The following ATP8A2 variants were observed in gnomAD, a reference collection of about 807,000 sequenced individuals.
ATP8A2 encodes phospholipid-transporting ATPase IB.
In ATP8A2, 100 loss-of-function variants were observed where a neutral mutation model predicts 165.6. The ratio of observed to expected loss-of-function variants is 0.60; its 90% CI spans 0.51 to 0.71. The LOEUF (loss-of-function observed/expected upper bound fraction) is 0.71, where lower values mean the gene tolerates loss of function less well. Ranked by LOEUF, ATP8A2 falls within the 30% of genes least tolerant of loss-of-function variation. The probability of loss-of-function intolerance (pLI) is 0.00; values close to 1 mark genes in which losing one functional copy is unlikely to be tolerated. For synonymous variants in ATP8A2, 543 were observed against 548.8 expected, an observed-to-expected ratio of 0.99 and a Z score of 0.15; for missense variants, 1,227 against 1,479.5, an observed-to-expected ratio of 0.83 and a Z score of 2.80.
At chr13:25,719,199 A>AAGC (rs1322363125) in intron 25 of ATP8A2, among the ~76,000 whole-genome samples, 1 of 152,238 alleles carries the variant, frequency 6.6e-6, no homozygotes, top group East Asian at 1.9e-4. Context: ...TTTGAAAATA[A>AAGC]AGCAGTTCCA....
intron 24 of ATP8A2, among the ~76,000 whole-genome samples, chr13:25,614,539 A>G (rs912821750): frequency 1.3e-5 from 2 of 152,008 alleles, no homozygotes; most frequent in Non-Finnish European, 2.9e-5. Flanking sequence ...ATCCATTGCT[A>G]TGAGCTAGTG....
rs115665837 is a variant in ATP8A2, at chr13:25,582,739, C to T, written c.2146+782C>T. ...GTATTTAAGTGACTATAGTCCTCTT[C>T]AGAGTAGTCTTCTTGGAATATTCTC... On this transcript the variant is annotated intron_variant, in intron 23 of 36. Coordinates refer to ENST00000381655, the MANE Select transcript of ATP8A2 (RefSeq NM_016529.6). 1.4e-3 allele frequency among the ~76,000 whole-genome samples: 209 copies of T among 152,316 alleles called. 1 individual carries two copies. The highest frequency in any genetic ancestry group is 4.9e-3 in the African/African-American group (204 of 41,570).
Position 25,699,167 on chromosome 13 carries a change from T to C in ATP8A2, c.2212-6T>C. The C allele has an allele frequency of 6.5e-7, 1 of 1,535,092 alleles. No homozygotes were observed. The highest frequency in any genetic ancestry group is 8.8e-7 in the Non-Finnish European group (1 of 1,138,524). ...AATGTGATTTTCCCCTATACTCTTG[T>C]TTCAGGCCACAAGGGCAGCCATTAC... On this transcript the variant is annotated splice_region_variant and splice_polypyrimidine_tract_variant and intron_variant, in intron 24 of 36. Coordinates refer to ENST00000381655, the MANE Select transcript of ATP8A2 (RefSeq NM_016529.6).
chr13:25,526,097 T>G lies in ATP8A2; in HGVS notation c.222-3902T>G, dbSNP rs2037833409. 2.0e-5 allele frequency among the ~76,000 whole-genome samples: 3 copies of G among 151,984 alleles called. 1 individual carries two copies. The South Asian group carries it at 6.2e-4, about 32-fold the overall frequency. On this transcript the variant is annotated intron_variant, in intron 2 of 36. Transcript: ENST00000381655. ...TCTCCTACTGACAGCCTCTAATGAG[T>G]TTTTCAGTTCCTCAAATACATTTCT...
At chr13:25,397,051 G>A (rs1425962810) in intron 1 of ATP8A2, among the ~76,000 whole-genome samples, 1 of 152,160 alleles carries the variant, frequency 6.6e-6, no homozygotes, top group African/African-American at 2.4e-5. Flanking sequence ...GGGTGGGGGT[G>A]GCTGTTTTCG....
intron 27 of ATP8A2, among the ~76,000 whole-genome samples, chr13:25,790,147 T>C (rs2045130067): frequency 6.6e-6 from 1 of 152,126 alleles, no homozygotes. Flanking sequence ...GGCAATACCA[T>C]TCTGGACATA....
chr13:25,766,834 A>T (rs971771845), intron 25 of ATP8A2, among the ~76,000 whole-genome samples: 1 of 152,176 alleles, frequency 6.6e-6, no homozygotes, highest in Non-Finnish European at 1.5e-5. Context: ...AACAGTTAAG[A>T]TGTTTCACAT....
At chr13:25,635,362 G>A (rs1465034055) in intron 24 of ATP8A2, among the ~76,000 whole-genome samples, 3 of 152,180 alleles carry the variant, frequency 2.0e-5, no homozygotes, top group African/African-American at 7.2e-5. Context: ...AGTTTGGGGA[G>A]TGTTCTACTA....
At chr13:25,989,148 C>T (rs748474452) in intron 35 of ATP8A2, among the ~76,000 whole-genome samples, 3 of 152,230 alleles carry the variant, frequency 2.0e-5, no homozygotes, top group Non-Finnish European at 4.4e-5. Context: ...GGGGTCCCTG[C>T]AGCCAGCTTT....
At chr13:25,578,782 C>G (rs768203879) in intron 20 of ATP8A2, 33 bp from the exon 21 acceptor site, 6 of 1,270,048 alleles carry the variant, frequency 4.7e-6, no homozygotes, top group Non-Finnish European at 6.9e-6. Flanking sequence ...TTACTGAAGG[C>G]TTTGCCAGTC....
At chr13:25,420,229 T>A (rs962975122) in intron 1 of ATP8A2, among the ~76,000 whole-genome samples, 8 of 152,234 alleles carry the variant, frequency 5.3e-5, no homozygotes, top group African/African-American at 1.9e-4. Flanking sequence ...AAATTCTTCA[T>A]TTGTATTTTT....
intron 1 of ATP8A2, among the ~76,000 whole-genome samples, chr13:25,401,112 G>A (rs555471382): frequency 6.6e-6 from 1 of 152,286 alleles, no homozygotes; most frequent in African/African-American, 2.4e-5. Flanking sequence ...TGTGCAGTGA[G>A]TGTGCGGCAC....
intron 1 of ATP8A2, among the ~76,000 whole-genome samples, chr13:25,429,754 C>T (rs2034553571): frequency 6.6e-6 from 1 of 152,180 alleles, no homozygotes; most frequent in Non-Finnish European, 1.5e-5. Context: ...GTCTGATGCG[C>T]TGAGGCATTT....
At chr13:25,669,546 C>G (rs1593169355) in intron 24 of ATP8A2, among the ~76,000 whole-genome samples, 1 of 152,318 alleles carries the variant, frequency 6.6e-6, no homozygotes, top group Admixed American at 6.5e-5. Flanking sequence ...CTATGGTCCT[C>G]TCAGGTCTTC....
At chr13:25,786,754 GTTT>G (rs1555266490) in intron 27 of ATP8A2, among the ~76,000 whole-genome samples, 2 of 134,636 alleles carry the variant, frequency 1.5e-5, no homozygotes, top group Non-Finnish European at 1.6e-5. Flanking sequence ...ACAATTCTAT[GTTT>G]TTTTTTTTTT....
chr13:25,688,114 G>A (rs2419329), intron 24 of ATP8A2, among the ~76,000 whole-genome samples: 1 of 63,650 alleles, frequency 1.6e-5, no homozygotes, highest in African/African-American at 4.6e-5. Context: ...TTTTCGTGCT[G>A]TTGTGTGGCT....
chr13:25,910,659 C>A (rs1055091846), intron 33 of ATP8A2, among the ~76,000 whole-genome samples: 5 of 152,076 alleles, frequency 3.3e-5, no homozygotes, highest in Non-Finnish European at 5.9e-5. Context: ...TCTACTAGAA[C>A]CTGATGAAAG....
chr13:25,632,987 G>C (rs1279305403), intron 24 of ATP8A2, among the ~76,000 whole-genome samples: 1 of 152,092 alleles, frequency 6.6e-6, no homozygotes, highest in Non-Finnish European at 1.5e-5. Context: ...CAAACTGTAA[G>C]TTTTTACTTT....
At chr13:25,774,734 G>A (rs562659898) in intron 26 of ATP8A2, 115 bp from the exon 27 acceptor site, 8 of 589,824 alleles carry the variant, frequency 1.4e-5, no homozygotes, top group South Asian at 4.7e-5. Flanking sequence ...AGATTCCTGC[G>A]GAATCTGGTT....
Sources: gnomAD v4.1 joint callset for allele counts (sites outside exome capture counted in the v4.1 genomes callset) on GRCh38, gnomAD v4.1.1 for gene constraint, MANE v1.5 for transcripts, NCBI Gene and HGNC (gene_info 2026-07-23, HGNC 2026-07-21) for gene names.